The following KIF26B variants were observed in gnomAD, a reference collection of about 807,000 sequenced individuals.
KIF26B encodes the protein kinesin-like protein KIF26B.
Under a neutral mutation model 151.2 loss-of-function variants are expected in KIF26B, and 63 were observed. The observed-to-expected ratio is 0.42, with a 90% CI of 0.34 to 0.51. The LOEUF is 0.51. KIF26B is among the 20% of genes least tolerant of loss of function. KIF26B has a pLI of 0.07. For synonymous variants in KIF26B, 1,357 were observed against 1,262.1 expected (o/e 1.08, Z -1.59); for missense variants, 2,813 against 2,913.6 (o/e 0.97, Z 0.79).
At chr1:245,174,730 C>G (rs540591886) in intron 2 of KIF26B, among the ~76,000 whole-genome samples, 1 of 152,146 alleles carries the variant, frequency 6.6e-6, no homozygotes, top group Non-Finnish European at 1.5e-5. Context: ...AGGCTCTGGA[C>G]GCTTGATGAG....
intron 5 of KIF26B, among the ~76,000 whole-genome samples, chr1:245,579,284 G>T (rs1280191787): frequency 6.6e-6 from 1 of 152,074 alleles, no homozygotes; most frequent in Non-Finnish European, 1.5e-5. Flanking sequence ...AAAAATTAGT[G>T]TTTATCCCTA....
chr1:245,473,573 G>A (rs1419726586), intron 4 of KIF26B, among the ~76,000 whole-genome samples: 1 of 148,792 alleles, frequency 6.7e-6, no homozygotes, highest in Non-Finnish European at 1.5e-5. Flanking sequence ...CTTAATGGGG[G>A]TTGGGGGAGA....
In KIF26B at chr1:245,324,601, C is replaced by G. The variant is rs533052391; in HGVS notation, c.466-42233C>G. Among the ~76,000 whole-genome samples the G allele has an allele frequency of 1.4e-4, 22 of 152,216 alleles. No individual in the cohort carries two copies. The South Asian group carries it at 4.4e-3, about 30-fold the overall frequency. On this transcript the variant is annotated intron_variant, in intron 2 of 14. Coordinates refer to ENST00000407071, the MANE Select transcript of KIF26B (RefSeq NM_018012.4). ...TTCCTCTTTTATTGTTTCTCCTTAG[C>G]TTTGTGCCCAGGTCATTTGTCTATC...
intron 5 of KIF26B, among the ~76,000 whole-genome samples, chr1:245,554,980 G>C (rs1338491623): frequency 1.3e-5 from 2 of 152,210 alleles, no homozygotes; most frequent in Non-Finnish European, 2.9e-5. Flanking sequence ...GAAGCGAGGG[G>C]CTTTGCTCAA....
At chr1:245,341,882 C>G (rs1672341115) in intron 2 of KIF26B, among the ~76,000 whole-genome samples, 1 of 152,218 alleles carries the variant, frequency 6.6e-6, no homozygotes, top group Non-Finnish European at 1.5e-5. Flanking sequence ...TCTCCTGTCA[C>G]TTGGTTCCCG....
intron 3 of KIF26B, among the ~76,000 whole-genome samples, chr1:245,417,630 C>T (rs1674452294): frequency 1.3e-5 from 2 of 152,224 alleles, no homozygotes; most frequent in African/African-American, 4.8e-5. Flanking sequence ...CACAAGATAG[C>T]CAATAGCTTT....
rs1394133181 is a variant in KIF26B, at chr1:245,599,283, A to AT, written c.1351-3294_1351-3293insT. Among the ~76,000 whole-genome samples the AT allele has an allele frequency of 1.3e-5, 2 of 152,354 alleles. 1 individual carries two copies. Among genetic ancestry groups the AT allele is most frequent in the Non-Finnish European group, 2.9e-5 (2 of 68,036 alleles). On this transcript the variant is annotated intron_variant, in intron 5 of 14. Coordinates refer to ENST00000407071, the MANE Select transcript of KIF26B (RefSeq NM_018012.4). ...ATTTCCTTCCTTTAAGGGAAAAAAA[A>AT]GTCCATTTATTTAGACGCATTGCAA...
At chr1:245,579,035 G>GA (rs35661673) in intron 5 of KIF26B, among the ~76,000 whole-genome samples, 2 of 151,996 alleles carry the variant, frequency 1.3e-5, no homozygotes, top group South Asian at 2.1e-4. Context: ...TTGCTTTAGG[G>GA]AAAAAAAGTC....
At chr1:245,209,702 A>G (rs905374966) in intron 2 of KIF26B, among the ~76,000 whole-genome samples, 1 of 152,220 alleles carries the variant, frequency 6.6e-6, no homozygotes, top group Non-Finnish European at 1.5e-5. Context: ...GTACACACAT[A>G]AGAAATAATG....
intron 9 of KIF26B, 114 bp from the exon 10 acceptor site, chr1:245,646,007 A>C (rs185554580): frequency 1.7e-6 from 2 of 1,147,390 alleles, no homozygotes; most frequent in Non-Finnish European, 2.4e-6. Context: ...ATGAACGTCA[A>C]CCTTTTACTT....
chr1:245,342,629 T>C (rs1305849902), intron 2 of KIF26B, among the ~76,000 whole-genome samples: 1 of 152,144 alleles, frequency 6.6e-6, no homozygotes, highest in East Asian at 1.9e-4. Flanking sequence ...CATGCTACAA[T>C]TTCTGAGCAA....
At chr1:245,607,799 G>C in intron 7 of KIF26B, 55 bp downstream of exon 7, 1 of 1,364,660 alleles carries the variant, frequency 7.3e-7, no homozygotes, top group South Asian at 1.3e-5. Flanking sequence ...GTCATCCCAT[G>C]CATTCCTCTG....
At chr1:245,658,687 C>T (rs958230643) in intron 10 of KIF26B, among the ~76,000 whole-genome samples, 1 of 152,112 alleles carries the variant, frequency 6.6e-6, no homozygotes, top group African/African-American at 2.4e-5. Flanking sequence ...CCACTGTACC[C>T]AGCCAATCAG....
intron 2 of KIF26B, among the ~76,000 whole-genome samples, chr1:245,257,754 G>C (rs1486778952): frequency 2.0e-5 from 3 of 152,172 alleles, no homozygotes; most frequent in Non-Finnish European, 4.4e-5. Flanking sequence ...GGGTGCAGTG[G>C]CTCATACCCG....
intron 2 of KIF26B, among the ~76,000 whole-genome samples, chr1:245,297,280 T>C (rs2102975997): frequency 6.6e-6 from 1 of 152,258 alleles, no homozygotes; most frequent in South Asian, 2.1e-4. Flanking sequence ...GAGGTAGAGG[T>C]TGCAATGAGC....
At chr1:245,215,336 T>A (rs1257866007) in intron 2 of KIF26B, among the ~76,000 whole-genome samples, 1 of 152,054 alleles carries the variant, frequency 6.6e-6, no homozygotes, top group African/African-American at 2.4e-5. Flanking sequence ...TTCACCGTGC[T>A]ATTGGGAGGG....
At position 245,640,160 on chromosome 1, in the gene KIF26B, T is replaced by TATATAC. The variant is rs796722836; in HGVS notation, c.2099-5960_2099-5959insTATACA. ...CTCTCTCTCTATATATATATATATA[T>TATATAC]ACCCTGCTATTTGGTTATATATATT... On this transcript the variant is annotated intron_variant, in intron 9 of 14. Transcript: ENST00000407071. Among the ~76,000 whole-genome samples, 82 of 54,826 alleles carry TATATAC rather than the reference T, an allele frequency of 1.5e-3. 6 individuals are homozygous for TATATAC. The highest frequency in any genetic ancestry group is 3.0e-3 in the East Asian group (3 of 998). The allele number at this position is 54,826 out of a possible 152,430, so 36.0% of individuals were successfully genotyped here.
At chr1:245,316,250 T>C (rs1162404556) in intron 2 of KIF26B, among the ~76,000 whole-genome samples, 2 of 151,828 alleles carry the variant, frequency 1.3e-5, no homozygotes, top group Non-Finnish European at 2.9e-5. Context: ...GCCTCCCAAG[T>C]AGATGGGATT....
At chr1:245,605,065 A>G (rs1390040109) in intron 6 of KIF26B, among the ~76,000 whole-genome samples, 2 of 152,072 alleles carry the variant, frequency 1.3e-5, no homozygotes, top group Non-Finnish European at 2.9e-5. Flanking sequence ...ATTTTATCCA[A>G]TATTTCCTAG....
Sources: allele counts gnomAD v4.1 joint callset (sites outside exome capture counted in the v4.1 genomes callset), GRCh38; gene constraint gnomAD v4.1.1; transcripts MANE v1.5; gene names NCBI Gene and HGNC (gene_info 2026-07-23, HGNC 2026-07-21).